The following MAGI2 variants were observed in gnomAD, a reference collection of about 807,000 sequenced individuals.
MAGI2 encodes membrane associated guanylate kinase, WW and PDZ domain containing 2, also known as membrane-associated guanylate kinase, WW and PDZ domain-containing protein 2.
A neutral mutation model predicts 133.3 loss-of-function variants in MAGI2; 35 were observed. That is an observed-to-expected ratio of 0.26 (90% CI 0.20 to 0.35). The LOEUF (loss-of-function observed/expected upper bound fraction) is 0.35, where lower values mean the gene tolerates loss of function less well. MAGI2 is among the 10% of genes least tolerant of loss of function. MAGI2 has a pLI of 1.00. For synonymous variants in MAGI2, 729 were observed against 710.6 expected, an observed-to-expected ratio of 1.03 and a Z score of -0.41; for missense variants, 1,636 against 1,863.4, an observed-to-expected ratio of 0.88 and a Z score of 2.25.
intron 1 of MAGI2, among the ~76,000 whole-genome samples, chr7:79,235,453 G>C (rs1831827254): frequency 6.6e-6 from 1 of 152,200 alleles, no homozygotes; most frequent in African/African-American, 2.4e-5. Context: ...GAGACTCCGT[G>C]GGCATAGGAC....
At chr7:78,612,906 G>C (rs981455623) in intron 3 of MAGI2, among the ~76,000 whole-genome samples, 1 of 152,028 alleles carries the variant, frequency 6.6e-6, no homozygotes, top group Admixed American at 6.6e-5. Flanking sequence ...TCCTGACCTC[G>C]TGATCCGCCC....
intron 20 of MAGI2, among the ~76,000 whole-genome samples, chr7:78,083,358 GT>G (rs1336885691): frequency 6.3e-5 from 8 of 127,080 alleles, no homozygotes; most frequent in African/African-American, 1.9e-4. Flanking sequence ...GAAGGAGATG[GT>G]GGGGGGGCGG....
chr7:79,409,330 G>A (rs1846004076), intron 1 of MAGI2, among the ~76,000 whole-genome samples: 1 of 151,544 alleles, frequency 6.6e-6, no homozygotes. Flanking sequence ...TCACAATGTT[G>A]CCCAGGCTGG....
chr7:78,066,944 G>T (rs1008060612), intron 21 of MAGI2, among the ~76,000 whole-genome samples: 2 of 152,134 alleles, frequency 1.3e-5, no homozygotes, highest in African/African-American at 4.8e-5. Context: ...ATGTATATAC[G>T]GCTTCAATGT....
intron 1 of MAGI2, among the ~76,000 whole-genome samples, chr7:79,245,414 C>T (rs907492560): frequency 6.6e-6 from 1 of 152,052 alleles, no homozygotes; most frequent in Non-Finnish European, 1.5e-5. Flanking sequence ...CTGAAGGGGG[C>T]GTTCTAGGCC....
chr7:78,235,750 AT>A (rs35561898), intron 10 of MAGI2, among the ~76,000 whole-genome samples: 44,365 of 151,726 alleles, frequency 0.29, 7,563 homozygotes, highest in Non-Finnish European at 0.37. Flanking sequence ...CTAATACTCT[AT>A]TTTTTTTACA....
chr7:79,191,698 C>A (rs1827691661), intron 1 of MAGI2, among the ~76,000 whole-genome samples: 1 of 151,524 alleles, frequency 6.6e-6, no homozygotes, highest in African/African-American at 2.4e-5. Flanking sequence ...TAGGTGGTTA[C>A]CTATTAGTTC....
chr7:79,132,615 G>A (rs1821033925), intron 1 of MAGI2, among the ~76,000 whole-genome samples: 1 of 152,060 alleles, frequency 6.6e-6, no homozygotes, highest in South Asian at 2.1e-4. Context: ...GGGTGTAAGT[G>A]TCTTTTTTGT....
chr7:78,136,358 G>A (rs2150543872), intron 16 of MAGI2, among the ~76,000 whole-genome samples: 1 of 152,240 alleles, frequency 6.6e-6, no homozygotes, highest in East Asian at 1.9e-4. Flanking sequence ...CTGACCTCAT[G>A]ATCCGCCTGC....
At chr7:78,805,447 G>T (rs1026692435) in intron 2 of MAGI2, among the ~76,000 whole-genome samples, 3 of 152,120 alleles carry the variant, frequency 2.0e-5, no homozygotes, top group Non-Finnish European at 2.9e-5. Context: ...TGAAGAGGAA[G>T]AAAGTGGGTA....
chr7:78,522,406 T>G (rs1329471917), intron 3 of MAGI2, among the ~76,000 whole-genome samples: 1 of 152,180 alleles, frequency 6.6e-6, no homozygotes, highest in Non-Finnish European at 1.5e-5. Context: ...TGAGACAGAG[T>G]CTTGCTCTGT....
chr7:78,310,977 A>C (rs1325575201), intron 9 of MAGI2, among the ~76,000 whole-genome samples: 3 of 152,210 alleles, frequency 2.0e-5, no homozygotes, highest in Admixed American at 6.5e-5. Flanking sequence ...GTGTGATGAG[A>C]TAACAAATAA....
intron 9 of MAGI2, among the ~76,000 whole-genome samples, chr7:78,267,707 C>A (rs933093920): frequency 6.6e-6 from 1 of 152,156 alleles, no homozygotes; most frequent in Non-Finnish European, 1.5e-5. Context: ...TTTTATCAGA[C>A]ATCTACTACT....
intron 2 of MAGI2, among the ~76,000 whole-genome samples, chr7:78,743,133 C>G (rs1329337260): frequency 6.6e-6 from 1 of 152,144 alleles, no homozygotes. Flanking sequence ...TGTTTTAAAT[C>G]ATTATGTTTT....
chr7:79,360,777 G>A (rs1641032690), intron 1 of MAGI2, among the ~76,000 whole-genome samples: 1 of 151,700 alleles, frequency 6.6e-6, no homozygotes, highest in Admixed American at 6.6e-5. Flanking sequence ...GCCAAAGGAA[G>A]GCAAGAGAAA....
intron 2 of MAGI2, among the ~76,000 whole-genome samples, chr7:78,750,307 G>C (rs1823334530): frequency 6.6e-6 from 1 of 152,134 alleles, no homozygotes; most frequent in Non-Finnish European, 1.5e-5. Context: ...TTGGTTCCAA[G>C]TCTTTGCTAT....
chr7:79,022,646 C>A (rs372200709), intron 1 of MAGI2, among the ~76,000 whole-genome samples: 106 of 118,566 alleles, frequency 8.9e-4, no homozygotes, highest in African/African-American at 1.2e-3. Flanking sequence ...AGACAAGATC[C>A]AAAAAAAAAA....
chr7:79,425,321 T>A (rs1847266617), intron 1 of MAGI2, among the ~76,000 whole-genome samples: 2 of 151,556 alleles, frequency 1.3e-5, no homozygotes, highest in Admixed American at 1.3e-4. Flanking sequence ...CAAATGTGCA[T>A]ATAATGGCTC....
chr7:78,178,193 G>C, intron 13 of MAGI2, 91 bp from the exon 14 acceptor site: 1 of 807,850 alleles, frequency 1.2e-6, no homozygotes, highest in South Asian at 1.5e-5. Context: ...TTAATTTTGT[G>C]GATGCGATTA....
Sources: gnomAD v4.1 joint callset for allele counts (sites outside exome capture counted in the v4.1 genomes callset) on GRCh38, gnomAD v4.1.1 for gene constraint, MANE v1.5 for transcripts, NCBI Gene and HGNC (gene_info 2026-07-23, HGNC 2026-07-21) for gene names.